Variants in OR7C1 observed in about 807,000 individuals in gnomAD.
OR7C1 encodes olfactory receptor 7C1.
For synonymous variants in OR7C1, 152 were observed against 160.7 expected (o/e 0.95, Z 0.41); for missense variants, 324 against 383.3 (o/e 0.85, Z 1.29).
intron 1 of OR7C1, among the ~76,000 whole-genome samples, chr19:14,821,066 T>G (rs549511037): frequency 6.6e-6 from 1 of 152,050 alleles, no homozygotes; most frequent in East Asian, 1.9e-4. Context: ...GGTGAAACCC[T>G]GTCTCTACTA....
intron 1 of OR7C1, among the ~76,000 whole-genome samples, chr19:14,817,417 A>T (rs2044721035): frequency 6.6e-6 from 1 of 152,254 alleles, no homozygotes; most frequent in South Asian, 2.1e-4. Context: ...TAGAACATAA[A>T]TCTGGCTAGA....
chr19:14,821,717 C>A (rs994141389), intron 1 of OR7C1, among the ~76,000 whole-genome samples: 3 of 152,174 alleles, frequency 2.0e-5, no homozygotes, highest in Non-Finnish European at 4.4e-5. Context: ...TTTATTCATT[C>A]TATGCTATTT....
intron 1 of OR7C1, among the ~76,000 whole-genome samples, chr19:14,815,623 G>T (rs1056303194): frequency 6.6e-6 from 1 of 152,146 alleles, no homozygotes; most frequent in Admixed American, 6.5e-5. Context: ...ATTGTGGGGG[G>T]TTTAAAAGTT....
chr19:14,832,271 G>A (rs1379661900), intron 1 of OR7C1, among the ~76,000 whole-genome samples: 1 of 152,000 alleles, frequency 6.6e-6, no homozygotes, highest in Non-Finnish European at 1.5e-5. Flanking sequence ...TTATGACATT[G>A]CATCATGCAC....
chr19:14,798,636 C>CA (rs2044622880), exon 5 of OR7C1: 1 of 152,514 alleles, frequency 6.6e-6, no homozygotes, highest in South Asian at 2.1e-4. Flanking sequence ...TATAAACTAG[C>CA]TTGAGGAGGT....
chr19:14,821,403 G>A (rs2044740570), intron 1 of OR7C1: 1 of 152,208 alleles, frequency 6.6e-6, no homozygotes, highest in African/African-American at 2.4e-5. Context: ...GATAATGTCA[G>A]TTCTACGCTG....
At chr19:14,807,564 A>G (rs761644180) in intron 2 of OR7C1, among the ~76,000 whole-genome samples, 3 of 151,924 alleles carry the variant, frequency 2.0e-5, no homozygotes, top group Admixed American at 1.3e-4. Context: ...ATGGGGCAGC[A>G]GAGAGATAGA....
chr19:14,822,083 G>A (rs539204621), intron 1 of OR7C1, among the ~76,000 whole-genome samples: 2 of 152,294 alleles, frequency 1.3e-5, no homozygotes, highest in East Asian at 1.9e-4. Context: ...TATGCACCAC[G>A]TATTCTTGAT....
exon 5 of OR7C1, chr19:14,798,969 T>C (rs915374248): frequency 3.9e-6 from 2 of 517,734 alleles, no homozygotes; most frequent in African/African-American, 3.9e-5. Flanking sequence ...AGAAAAGAAA[T>C]GATTTTGAGG....
chr19:14,828,246 T>C (rs770193111), intron 1 of OR7C1: 2 of 1,605,782 alleles, frequency 1.2e-6, no homozygotes, highest in Admixed American at 3.4e-5. Flanking sequence ...TTCCATTTGA[T>C]TGAAGTGACT....
intron 1 of OR7C1, among the ~76,000 whole-genome samples, chr19:14,832,051 G>A (rs1198898648): frequency 6.6e-6 from 1 of 152,034 alleles, no homozygotes; most frequent in Non-Finnish European, 1.5e-5. Context: ...TGGGACGAAA[G>A]GCATGTGTCA....
Position 14,822,373 on chromosome 19 carries a change from C to CTTT in OR7C1, c.-622-12383_-622-12381dup, listed in dbSNP as rs1162241411. ...ATCCTCATCAGCACTTATCTCCTGTCTTTTTTTTTTTTTTTTTTTTTTTTT... is the reference window on the plus strand; with the variant it reads ...ATCCTCATCAGCACTTATCTCCTGTCTTTTTTTTTTTTTTTTTTTTTTTTTTTT... On this transcript the variant is annotated intron_variant, in intron 1 of 4. Transcript: ENST00000641666. 2.0e-3 allele frequency among the ~76,000 whole-genome samples: 137 copies of CTTT among 67,720 alleles called. 20 individuals carry two copies. Among genetic ancestry groups the CTTT allele is most frequent in the African/African-American group, 4.9e-3 (90 of 18,532 alleles). The allele number at this position is 67,720 out of a possible 152,430, so 44.4% of individuals were successfully genotyped here.
At chr19:14,803,763 G>T (rs376477151) in intron 2 of OR7C1, among the ~76,000 whole-genome samples, 13 of 151,844 alleles carry the variant, frequency 8.6e-5, no homozygotes, top group African/African-American at 3.1e-4. Context: ...AGGCTGGAGT[G>T]CAGTGGCGCG....
chr19:14,817,158 G>A (rs2044720007), intron 1 of OR7C1, among the ~76,000 whole-genome samples: 1 of 152,194 alleles, frequency 6.6e-6, no homozygotes. Flanking sequence ...GCTAATCTGA[G>A]TCCCAGACTG....
At chr19:14,809,272 T>C (rs146675951) in intron 2 of OR7C1, among the ~76,000 whole-genome samples, 1 of 152,072 alleles carries the variant, frequency 6.6e-6, no homozygotes, top group African/African-American at 2.4e-5. Flanking sequence ...GTCAGGGCCT[T>C]TCTCACTCAC....
intron 1 of OR7C1, among the ~76,000 whole-genome samples, chr19:14,819,158 A>T (rs1415058269): frequency 1.7e-4 from 24 of 139,612 alleles, no homozygotes; most frequent in East Asian, 8.4e-4. Flanking sequence ...TATTTTTTTT[A>T]AATTTAAAAT....
intron 2 of OR7C1, among the ~76,000 whole-genome samples, chr19:14,804,794 G>A (rs546829681): frequency 1.9e-4 from 29 of 152,046 alleles, no homozygotes; most frequent in Admixed American, 9.8e-4. Flanking sequence ...TGGTGGTTGC[G>A]CAAAACACAG....
rs549407154 is a variant in OR7C1 at position 14,799,204 on chromosome 19, A to C, written c.933T>G (p.Phe311Leu). Residue 311 changes from phenylalanine (F) to leucine (L), a missense_variant, in exon 5 of 5, where the codon TTT becomes TTG. By Grantham distance (22) the Phe-to-Leu change is conservative. Transcript: ENST00000641666. Reference sequence around the variant, plus strand: ...AAAGTCCTGCAGTGATGTCACCATTAAAAAATGTTGCCCTACTGAGGAGTC... The same window carrying C: ...AAAGTCCTGCAGTGATGTCACCATTCAAAAATGTTGCCCTACTGAGGAGTC... 4.8e-5 allele frequency: 77 copies of C among 1,611,974 alleles called. No homozygotes were observed. The highest frequency in any genetic ancestry group is 6.4e-5 in the Non-Finnish European group (75 of 1,179,216).
chr19:14,805,521 T>A (rs1204888199), intron 2 of OR7C1, among the ~76,000 whole-genome samples: 5 of 150,036 alleles, frequency 3.3e-5, no homozygotes, highest in Non-Finnish European at 5.9e-5. Context: ...GTTCAAGTGA[T>A]TCTCCTGCCT....
Sources: gnomAD v4.1 joint callset for allele counts (sites outside exome capture counted in the v4.1 genomes callset) on GRCh38, gnomAD v4.1.1 for gene constraint, MANE v1.5 for transcripts, NCBI Gene and HGNC (gene_info 2026-07-23, HGNC 2026-07-21) for gene names.